The following NRXN3 variants were observed in gnomAD, a reference collection of about 807,000 sequenced individuals.
NRXN3 encodes neurexin 3, also known as neurexin III.
In NRXN3, 32 loss-of-function variants were observed where a neutral mutation model predicts 137.6. The ratio of observed to expected loss-of-function variants is 0.23; its 90% CI spans 0.18 to 0.31. The LOEUF is 0.31. Ranked by LOEUF, NRXN3 falls within the 10% of genes least tolerant of loss-of-function variation. The pLI is 1.00. For synonymous variants in NRXN3, 798 were observed against 784.5 expected, an observed-to-expected ratio of 1.02 and a Z score of -0.29; for missense variants, 1,574 against 2,062.5, an observed-to-expected ratio of 0.76 and a Z score of 4.59.
intron 1 of NRXN3, among the ~76,000 whole-genome samples, chr14:78,236,182 G>A (rs751871603): frequency 6.6e-6 from 1 of 152,146 alleles, no homozygotes; most frequent in Non-Finnish European, 1.5e-5. Flanking sequence ...CTCCCTTGTT[G>A]CATTTTCACA....
chr14:79,140,095 C>G (rs2152993773), intron 15 of NRXN3, among the ~76,000 whole-genome samples: 1 of 152,102 alleles, frequency 6.6e-6, no homozygotes, highest in Non-Finnish European at 1.5e-5. Flanking sequence ...TCATTCGAAC[C>G]AAACCCATTT....
intron 10 of NRXN3, among the ~76,000 whole-genome samples, chr14:78,953,199 C>T (rs533422042): frequency 1.3e-5 from 2 of 152,096 alleles, no homozygotes; most frequent in African/African-American, 4.8e-5. Flanking sequence ...TTTTAACATA[C>T]ACTCTGATTT....
At chr14:78,901,237 T>C (rs1354304268) in intron 10 of NRXN3, among the ~76,000 whole-genome samples, 2 of 151,970 alleles carry the variant, frequency 1.3e-5, no homozygotes, top group Non-Finnish European at 2.9e-5. Flanking sequence ...TTTTTTTCCA[T>C]GTGTCCATCT....
At chr14:78,352,781 G>A (rs1399963867) in intron 4 of NRXN3, among the ~76,000 whole-genome samples, 3 of 152,230 alleles carry the variant, frequency 2.0e-5, no homozygotes, top group Non-Finnish European at 4.4e-5. Context: ...TAAGCAGAGA[G>A]CACGGCTATC....
chr14:79,226,443 C>T (rs991478769), intron 15 of NRXN3, among the ~76,000 whole-genome samples: 1 of 152,114 alleles, frequency 6.6e-6, no homozygotes, highest in Non-Finnish European at 1.5e-5. Context: ...TTTTTTGGCC[C>T]TAACTTTGAG....
chr14:79,660,224 G>A (rs140417540), intron 16 of NRXN3, among the ~76,000 whole-genome samples: 63 of 152,270 alleles, frequency 4.1e-4, no homozygotes, highest in African/African-American at 1.4e-3. Context: ...ATGGGTATTC[G>A]CCACAAGGCT....
intron 15 of NRXN3, among the ~76,000 whole-genome samples, chr14:79,390,239 C>T (rs1275086631): frequency 6.6e-6 from 1 of 151,728 alleles, no homozygotes; most frequent in African/African-American, 2.4e-5. Flanking sequence ...ATGGCATGAA[C>T]CCAGGAGGTG....
chr14:78,219,948 G>T (rs988514031), intron 1 of NRXN3, among the ~76,000 whole-genome samples: 2 of 151,956 alleles, frequency 1.3e-5, no homozygotes, highest in African/African-American at 4.8e-5. Context: ...AGGGAAGAGG[G>T]GTATAGAAGA....
chr14:79,261,394 T>C (rs969862160), intron 15 of NRXN3, among the ~76,000 whole-genome samples: 1 of 152,034 alleles, frequency 6.6e-6, no homozygotes, highest in African/African-American at 2.4e-5. Context: ...TTGGAGCAGA[T>C]CTGTTCGGTT....
At chr14:78,522,570 A>G (rs2096299881) in intron 4 of NRXN3, among the ~76,000 whole-genome samples, 1 of 152,096 alleles carries the variant, frequency 6.6e-6, no homozygotes, top group Admixed American at 6.5e-5. Context: ...TTTCCTTTGC[A>G]CCATATAATC....
intron 4 of NRXN3, among the ~76,000 whole-genome samples, chr14:78,641,865 T>C (rs2097637619): frequency 6.6e-6 from 1 of 152,254 alleles, no homozygotes. Flanking sequence ...CTTTTCTTCC[T>C]CACGTTGGTT....
At chr14:78,462,653 A>G (rs2094957235) in intron 4 of NRXN3, among the ~76,000 whole-genome samples, 1 of 152,128 alleles carries the variant, frequency 6.6e-6, no homozygotes, top group Non-Finnish European at 1.5e-5. Flanking sequence ...TCTTTATTCT[A>G]CTTTCATTGT....
intron 19 of NRXN3, among the ~76,000 whole-genome samples, chr14:79,731,908 C>CTAAAG (rs998502399): frequency 6.0e-5 from 9 of 150,978 alleles, no homozygotes; most frequent in African/African-American, 1.9e-4. Flanking sequence ...AGCCAGATTT[C>CTAAAG]TAAAGTATGT....
At chr14:79,460,646 G>T (rs2153602503) in intron 15 of NRXN3, among the ~76,000 whole-genome samples, 1 of 152,280 alleles carries the variant, frequency 6.6e-6, no homozygotes, top group African/African-American at 2.4e-5. Context: ...GTAGATCCTA[G>T]AAAGTAATGA....
At chr14:79,411,210 T>G (rs2095413038) in intron 15 of NRXN3, among the ~76,000 whole-genome samples, 2 of 152,114 alleles carry the variant, frequency 1.3e-5, no homozygotes, top group Non-Finnish European at 2.9e-5. Context: ...ACAATGTTGT[T>G]CAATATTTAA....
chr14:79,454,796 T>TA (rs1017118068), intron 15 of NRXN3, among the ~76,000 whole-genome samples: 59 of 152,074 alleles, frequency 3.9e-4, no homozygotes, highest in African/African-American at 1.0e-3. Flanking sequence ...TTCCAATACT[T>TA]AAAAAAAATC....
chr14:79,405,092 C>G (rs1173872345), intron 15 of NRXN3, among the ~76,000 whole-genome samples: 1 of 152,018 alleles, frequency 6.6e-6, no homozygotes, highest in Non-Finnish European at 1.5e-5. Flanking sequence ...CAACAAAAGG[C>G]CTGAAATATT....
At chr14:79,765,504 T>C (rs1201531153) in intron 19 of NRXN3, among the ~76,000 whole-genome samples, 2 of 152,216 alleles carry the variant, frequency 1.3e-5, no homozygotes, top group African/African-American at 4.8e-5. Context: ...TGTGGTAATA[T>C]CTCATTTGTG....
intron 8 of NRXN3, among the ~76,000 whole-genome samples, chr14:78,760,043 T>TC (rs1351385455): frequency 1.2e-4 from 18 of 144,662 alleles, no homozygotes; most frequent in Non-Finnish European, 2.6e-4. Flanking sequence ...TCTTTTTTTT[T>TC]TTTTTTTTTT....
Sources: gnomAD v4.1 joint callset for allele counts (sites outside exome capture counted in the v4.1 genomes callset) on GRCh38, gnomAD v4.1.1 for gene constraint, MANE v1.5 for transcripts, NCBI Gene and HGNC (gene_info 2026-07-23, HGNC 2026-07-21) for gene names.